PARD3B: variants seen among roughly 807,000 people sequenced by gnomAD.
The protein encoded by PARD3B is partitioning defective 3 homolog B.
In PARD3B, 103 loss-of-function variants were observed where a neutral mutation model predicts 130.2. The observed-to-expected ratio is 0.79, with a 90% confidence interval of 0.67 to 0.93. PARD3B has a LOEUF of 0.93. Among genes scored for constraint, PARD3B ranks in the 40% least tolerant of loss-of-function variants. PARD3B has a pLI of 0.00. For synonymous variants in PARD3B, 583 were observed against 553.2 expected, an observed-to-expected ratio of 1.05 and a Z score of -0.76; for missense variants, 1,609 against 1,499.2, an observed-to-expected ratio of 1.07 and a Z score of -1.21.
chr2:205,003,148 CT>C (rs1402081064), intron 3 of PARD3B, among the ~76,000 whole-genome samples: 1 of 152,202 alleles, frequency 6.6e-6, no homozygotes, highest in Non-Finnish European at 1.5e-5. Context: ...GCCGTCCGGT[CT>C]TTATTGTGCT....
rs184569415 is a variant in PARD3B, at chr2:204,617,691, A to T, written c.121-68490A>T. ...TAACCAGTGTAACACTCAAGAGGTA[A>T]CTCCCACTCTCCACCCTCAAGGAGG... On this transcript the variant is annotated intron_variant, in intron 1 of 22. Coordinates refer to ENST00000406610, the MANE Select transcript of PARD3B (RefSeq NM_001302769.2). Among the ~76,000 whole-genome samples the T allele has an allele frequency of 1.1e-4, 16 of 151,942 alleles. No individual in the cohort carries two copies. The East Asian group carries it at 3.1e-3, about 29-fold the overall frequency.
chr2:205,054,434 ATATTTTTTTT>A (rs1307971277), intron 4 of PARD3B, among the ~76,000 whole-genome samples: 15 of 29,486 alleles, frequency 5.1e-4, no homozygotes, highest in South Asian at 4.5e-3. Context: ...ATATATATAT[ATATTTTTTTT>A]TTTTTTTTTT....
At chr2:204,647,984 A>G (rs1310776190) in intron 1 of PARD3B, among the ~76,000 whole-genome samples, 2 of 151,536 alleles carry the variant, frequency 1.3e-5, no homozygotes, top group Non-Finnish European at 3.0e-5. Context: ...GTATAATTAT[A>G]CTTTTTAAAG....
At chr2:204,964,728 G>A (rs1033866784) in intron 2 of PARD3B, among the ~76,000 whole-genome samples, 2 of 152,094 alleles carry the variant, frequency 1.3e-5, no homozygotes, top group African/African-American at 2.4e-5. Flanking sequence ...TTAGGTCTCC[G>A]AGACTGGAAT....
intron 10 of PARD3B, among the ~76,000 whole-genome samples, chr2:205,149,048 A>C (rs1001886511): frequency 6.6e-6 from 1 of 152,194 alleles, no homozygotes; most frequent in Non-Finnish European, 1.5e-5. Flanking sequence ...TGCGTGAATC[A>C]GGCACTGCTT....
intron 16 of PARD3B, among the ~76,000 whole-genome samples, chr2:205,284,994 T>C (rs985778592): frequency 1.9e-3 from 5 of 2,650 alleles, no homozygotes; most frequent in Non-Finnish European, 4.2e-3. Context: ...CACAAAACAG[T>C]TTTTTTTTTT....
In PARD3B at chr2:205,584,487, G is replaced by A. The variant is rs1018591204; in HGVS notation, c.3261-30969G>A. 6.6e-6 allele frequency among the ~76,000 whole-genome samples: 1 copy of A among 152,078 alleles called. No individual in the cohort carries two copies. Among genetic ancestry groups the A allele is most frequent in the Non-Finnish European group, 1.5e-5 (1 of 68,028 alleles). ...GACGTCAGGAGTTCGAGACCAGGCT[G>A]GCCAACATAGCGAAACCCCATCCCT... On this transcript the variant is annotated intron_variant, in intron 22 of 22. Transcript: ENST00000406610. This position sits in a 1 kb window ranked among gnomAD's most constrained non-coding sequence, Gnocchi z 5.5.
At chr2:205,066,466 C>G (rs1700383249) in intron 4 of PARD3B, among the ~76,000 whole-genome samples, 1 of 152,180 alleles carries the variant, frequency 6.6e-6, no homozygotes, top group Non-Finnish European at 1.5e-5. Context: ...GTTGAAAATA[C>G]AATGTGTTCA....
chr2:205,151,400 T>C (rs2033747831), intron 10 of PARD3B, among the ~76,000 whole-genome samples: 1 of 152,168 alleles, frequency 6.6e-6, no homozygotes, highest in Non-Finnish European at 1.5e-5. Flanking sequence ...GGGGTCTAAG[T>C]CTCTTTGTAG....
At chr2:204,563,217 G>GTCTGTCTCTCTCTCTCTCTCTCTC (rs1553541986) in intron 1 of PARD3B, among the ~76,000 whole-genome samples, 2 of 86,598 alleles carry the variant, frequency 2.3e-5, no homozygotes, top group African/African-American at 4.5e-5. Context: ...TCTTCCCGCT[G>GTCTGTCTCTCTCTCTCTCTCTCTC]TCTCTCTCTC....
intron 2 of PARD3B, among the ~76,000 whole-genome samples, chr2:204,899,228 CT>C (rs2046761523): frequency 1.6e-5 from 2 of 122,578 alleles, no homozygotes; most frequent in Non-Finnish European, 3.4e-5. Context: ...TCCTTCCCTC[CT>C]CTCCTTCCCT....
At chr2:205,089,802 A>G (rs1191261470) in intron 4 of PARD3B, among the ~76,000 whole-genome samples, 7 of 152,238 alleles carry the variant, frequency 4.6e-5, no homozygotes. Flanking sequence ...TCTTTAAGAA[A>G]GAATGAAAAC....
At chr2:204,716,026 G>A (rs1316923022) in intron 2 of PARD3B, among the ~76,000 whole-genome samples, 1 of 152,184 alleles carries the variant, frequency 6.6e-6, no homozygotes, top group African/African-American at 2.4e-5. Context: ...AAACTCTTAC[G>A]CATGCTGTTA....
chr2:204,804,444 T>A (rs2042690644), intron 2 of PARD3B, among the ~76,000 whole-genome samples: 1 of 152,142 alleles, frequency 6.6e-6, no homozygotes, highest in Admixed American at 6.6e-5. Flanking sequence ...AGCAAGAGGA[T>A]ATCACAGTTG....
rs868314132 is a variant in PARD3B, at chr2:205,572,844, G to A, written c.3260+19441G>A. On this transcript the variant is annotated intron_variant, in intron 22 of 22. Coordinates refer to ENST00000406610, the MANE Select transcript of PARD3B (RefSeq NM_001302769.2). The surrounding 1 kb of genome is among the most constrained non-coding windows in gnomAD (Gnocchi z 4.2). ...AAAGATGCTGAAAGCCTGAAATGAG[G>A]ACATAAGTGGGTGTATTAGTCCATT... Among the ~76,000 whole-genome samples the A allele has an allele frequency of 3.3e-5, 5 of 152,246 alleles. No individual in the cohort carries two copies. Among genetic ancestry groups the A allele is most frequent in the East Asian group, 1.9e-4 (1 of 5,172 alleles).
At chr2:204,856,207 T>C (rs2125617389) in intron 2 of PARD3B, among the ~76,000 whole-genome samples, 1 of 152,282 alleles carries the variant, frequency 6.6e-6, no homozygotes, top group Admixed American at 6.5e-5. Context: ...TTCACCAATA[T>C]TTATCACTTG....
At chr2:204,930,167 A>T (rs1348782547) in intron 2 of PARD3B, among the ~76,000 whole-genome samples, 3 of 150,674 alleles carry the variant, frequency 2.0e-5, no homozygotes, top group African/African-American at 7.3e-5. Flanking sequence ...TAATTTTTTT[A>T]TTCTTAAAAA....
At chr2:204,751,996 T>C (rs2040483567) in intron 2 of PARD3B, among the ~76,000 whole-genome samples, 1 of 152,186 alleles carries the variant, frequency 6.6e-6, no homozygotes, top group South Asian at 2.1e-4. Flanking sequence ...CTGATCCCAA[T>C]GTCAAATATG....
In PARD3B at chr2:205,499,316, TAAAAAAA is replaced by T. The variant is rs35087383; in HGVS notation, c.3045-571_3045-565del. Among the ~76,000 whole-genome samples the T allele has an allele frequency of 6.8e-3, 996 of 145,482 alleles. 12 individuals carry two copies. The highest frequency in any genetic ancestry group is 0.024 in the African/African-American group (934 of 39,536). ...TACTCTACACCAGCTTCCCCCACCTTAAAAAAAAAAAAAAACTTTCTTACTGTTTTGT... is the reference window on the plus strand; with the variant it reads ...TACTCTACACCAGCTTCCCCCACCTTAAAAAAAACTTTCTTACTGTTTTGT... On this transcript the variant is annotated intron_variant, in intron 20 of 22. Coordinates refer to ENST00000406610, the MANE Select transcript of PARD3B (RefSeq NM_001302769.2).
Sources: gnomAD v4.1 joint callset for allele counts (sites outside exome capture counted in the v4.1 genomes callset) on GRCh38, gnomAD v4.1.1 for gene constraint, Gnocchi (gnomAD v3.1) non-coding constraint, MANE v1.5 for transcripts, NCBI Gene and HGNC (gene_info 2026-07-23, HGNC 2026-07-21) for gene names.